The following EFCAB5 variants were observed in gnomAD, a reference collection of about 807,000 sequenced individuals.
The protein encoded by EFCAB5 is EF-hand calcium binding domain 5.
A neutral mutation model predicts 167.9 loss-of-function variants in EFCAB5; 131 were observed. That is an observed-to-expected ratio of 0.78 (90% CI 0.68 to 0.90). The LOEUF is 0.90. EFCAB5 is among the 40% of genes least tolerant of loss of function. The pLI is 0.00. For missense variants in EFCAB5, 1,663 were observed against 1,745.2 expected (o/e 0.95, Z 0.84); for synonymous variants, 574 against 602.8 (o/e 0.95, Z 0.70).
At chr17:30,032,306 C>T (rs1011847859) in intron 7 of EFCAB5, among the ~76,000 whole-genome samples, 1 of 152,186 alleles carries the variant, frequency 6.6e-6, no homozygotes, top group Non-Finnish European at 1.5e-5. Flanking sequence ...CTCTCCATAA[C>T]AGACTTTCCC....
intron 1 of EFCAB5, among the ~76,000 whole-genome samples, chr17:29,933,501 T>G (rs1482335562): frequency 6.6e-6 from 1 of 152,104 alleles, no homozygotes; most frequent in Non-Finnish European, 1.5e-5. Flanking sequence ...CTCTTACTAT[T>G]CTAGCTGAAT....
At chr17:30,036,466 A>G (rs1329753263) in intron 8 of EFCAB5, among the ~76,000 whole-genome samples, 3 of 150,068 alleles carry the variant, frequency 2.0e-5, no homozygotes, top group Non-Finnish European at 4.4e-5. Context: ...GCCTCACTCT[A>G]TCACCCAGGC....
At chr17:29,961,692 T>C (rs1383740129) in intron 3 of EFCAB5, among the ~76,000 whole-genome samples, 1 of 152,106 alleles carries the variant, frequency 6.6e-6, no homozygotes. Context: ...GCTGAAGTGA[T>C]CCCCTCCTAC....
At chr17:29,969,778 C>T (rs550792859) in intron 4 of EFCAB5, among the ~76,000 whole-genome samples, 2 of 152,156 alleles carry the variant, frequency 1.3e-5, no homozygotes, top group East Asian at 3.9e-4. Context: ...CCCAATATTC[C>T]ACCTCCACCA....
chr17:29,961,057 C>T (rs2067711195), intron 3 of EFCAB5, among the ~76,000 whole-genome samples: 1 of 152,146 alleles, frequency 6.6e-6, no homozygotes, highest in Non-Finnish European at 1.5e-5. Context: ...ACTTTGCATT[C>T]CCACCAGCAA....
In EFCAB5 at chr17:29,994,167, T is replaced by TATATATAC. The variant is rs1555554321; in HGVS notation, c.924+853_924+854insCATATATA. The stretch of plus-strand genomic sequence containing the variant: ...ATATATATATATATATATATATATA[T>TATATATAC]ATATATATATGTGATATATATATCA... On this transcript the variant is annotated intron_variant, in intron 5 of 22. Coordinates refer to ENST00000394835, the MANE Select transcript of EFCAB5 (RefSeq NM_198529.4). 1.9e-3 allele frequency among the ~76,000 whole-genome samples: 248 copies of TATATATAC among 132,208 alleles called. 1 individual carries two copies. Among genetic ancestry groups the TATATATAC allele is most frequent in the Middle Eastern group, 0.012 (3 of 248 alleles). 86.7% of individuals were successfully genotyped at this position (132,208 alleles called of 152,430 possible).
intron 4 of EFCAB5, among the ~76,000 whole-genome samples, chr17:29,985,463 C>G (rs1044310202): frequency 6.6e-6 from 1 of 152,110 alleles, no homozygotes; most frequent in Non-Finnish European, 1.5e-5. Flanking sequence ...GACACACACA[C>G]AGAAATAAAG....
At position 30,085,902 on chromosome 17, in the gene EFCAB5, A is replaced by G. The variant is rs575632066; in HGVS notation, c.3580-1161A>G. On this transcript the variant is annotated intron_variant, in intron 18 of 22. Coordinates refer to ENST00000394835, the MANE Select transcript of EFCAB5 (RefSeq NM_198529.4). Reference sequence around the variant, plus strand: ...TAGAGGCAAGAGGAAATTTCACATTACAAAACAGCTGTTCCTCTTCCAAGC... The same window carrying G: ...TAGAGGCAAGAGGAAATTTCACATTGCAAAACAGCTGTTCCTCTTCCAAGC... 4.7e-4 allele frequency among the ~76,000 whole-genome samples: 72 copies of G among 152,342 alleles called. 1 individual carries two copies. The South Asian group carries it at 6.0e-3, about 13-fold the overall frequency.
intron 9 of EFCAB5, among the ~76,000 whole-genome samples, chr17:30,051,841 TAA>T (rs1204920385): frequency 5.3e-5 from 8 of 152,264 alleles, no homozygotes; most frequent in Non-Finnish European, 1.2e-4. Flanking sequence ...ATTCCATTTT[TAA>T]TGCCCAACTT....
intron 2 of EFCAB5, among the ~76,000 whole-genome samples, chr17:29,943,293 A>C (rs553562037): frequency 5.8e-4 from 88 of 152,302 alleles, no homozygotes; most frequent in African/African-American, 2.1e-3. Flanking sequence ...ATTAATGTAC[A>C]TCTAAAATGA....
At chr17:29,942,950 A>C (rs537445919) in intron 2 of EFCAB5, among the ~76,000 whole-genome samples, 14 of 152,124 alleles carry the variant, frequency 9.2e-5, no homozygotes, top group African/African-American at 3.4e-4. Context: ...AGGCAAGATA[A>C]TCACTTTAAC....
chr17:30,035,985 C>G (rs2069603940), intron 8 of EFCAB5, among the ~76,000 whole-genome samples: 2 of 149,414 alleles, frequency 1.3e-5, no homozygotes, highest in Admixed American at 6.8e-5. Context: ...AAATGCATAA[C>G]ATAATGACTA....
intron 8 of EFCAB5, among the ~76,000 whole-genome samples, chr17:30,040,860 T>A (rs1363557198): frequency 1.3e-5 from 2 of 152,246 alleles, no homozygotes; most frequent in Non-Finnish European, 2.9e-5. Flanking sequence ...AGGTCTTAGC[T>A]CATAGCTTAT....
intron 7 of EFCAB5, among the ~76,000 whole-genome samples, chr17:30,017,061 C>T (rs1421681256): frequency 2.6e-5 from 4 of 151,944 alleles, no homozygotes; most frequent in Admixed American, 2.6e-4. Flanking sequence ...CCTTTAGTCC[C>T]AGCTACTCAA....
intron 7 of EFCAB5, among the ~76,000 whole-genome samples, chr17:30,023,312 G>A (rs1426532272): frequency 1.3e-5 from 2 of 152,012 alleles, no homozygotes; most frequent in South Asian, 2.1e-4. Context: ...AACGAGAGAA[G>A]AATCAAATAG....
At chr17:29,977,960 A>G (rs550915429) in intron 4 of EFCAB5, among the ~76,000 whole-genome samples, 2 of 152,288 alleles carry the variant, frequency 1.3e-5, no homozygotes, top group Admixed American at 6.5e-5. Flanking sequence ...ATCTGCTTCA[A>G]AGTACTTTTT....
rs924222186 is a variant in EFCAB5 at position 29,969,066 on chromosome 17, T to C, written c.466T>C (p.Leu156=). The part of the protein sequence containing the change: ...KAEKKLPRDN[L]AKEWFNTDSM... ...TGAAAAAAAACTCCCTAGGGATAAT[T>C]TGGCCAAAGAGTGGTTTAATACTGA... The change falls in exon 4 of 23, where the codon TTG becomes CTG. Residue 156 remains leucine (L), a synonymous_variant. Coordinates refer to ENST00000394835, the MANE Select transcript of EFCAB5 (RefSeq NM_198529.4). 1 of 1,610,670 alleles carries C rather than the reference T, an allele frequency of 6.2e-7. No individual in the cohort carries two copies. The highest frequency in any genetic ancestry group is 8.5e-7 in the Non-Finnish European group (1 of 1,178,820).
intron 4 of EFCAB5, among the ~76,000 whole-genome samples, chr17:29,991,597 C>T (rs1370721977): frequency 6.6e-6 from 1 of 152,224 alleles, no homozygotes; most frequent in Non-Finnish European, 1.5e-5. Flanking sequence ...CGGTTTTCTG[C>T]CCAGGGTGGG....
At position 29,977,333 on chromosome 17, in the gene EFCAB5, TATG is replaced by T. The variant is rs138461466; in HGVS notation, c.767+7969_767+7971del. Among the ~76,000 whole-genome samples the T allele has an allele frequency of 1.9e-3, 285 of 152,326 alleles. 1 individual carries two copies. Among genetic ancestry groups the T allele is most frequent in the African/African-American group, 6.4e-3 (267 of 41,588 alleles). The stretch of plus-strand genomic sequence containing the variant: ...GTGCCAAAGAAGGTAAATTTTACTG[TATG>T]ATATTTTTTAAAATATAAAACTTTT... On this transcript the variant is annotated intron_variant, in intron 4 of 22. Transcript: ENST00000394835.
Sources: gnomAD v4.1 joint callset for allele counts (sites outside exome capture counted in the v4.1 genomes callset) on GRCh38, gnomAD v4.1.1 for gene constraint, MANE v1.5 for transcripts, NCBI Gene and HGNC (gene_info 2026-07-23, HGNC 2026-07-21) for gene names.